Variants in CSMD2 observed in about 807,000 individuals in gnomAD.
CSMD2 encodes CUB and sushi domain-containing protein 2.
CSMD2 carries 130 observed loss-of-function variants against 398.5 expected under a neutral mutation model. The observed-to-expected ratio is 0.33, with a 90% CI of 0.28 to 0.38. The LOEUF (loss-of-function observed/expected upper bound fraction) is 0.38, where lower values mean the gene tolerates loss of function less well. Among genes scored for constraint, CSMD2 ranks in the 10% least tolerant of loss-of-function variants. CSMD2 has a pLI of 1.00. For missense variants in CSMD2, 3,829 were observed against 4,764.9 expected, an observed-to-expected ratio of 0.80 and a Z score of 5.78; for synonymous variants, 1,828 against 1,908.5, an observed-to-expected ratio of 0.96 and a Z score of 1.10.
chr1:33,865,399 C>CA (rs56728239), intron 5 of CSMD2, among the ~76,000 whole-genome samples: 66,072 of 120,676 alleles, frequency 0.55, 16,747 homozygotes, highest in East Asian at 0.68. Context: ...CAGATTTTAC[C>CA]AAAAAAAAAA....
chr1:33,676,713 T>C (rs1375229390), intron 25 of CSMD2, among the ~76,000 whole-genome samples: 3 of 152,084 alleles, frequency 2.0e-5, no homozygotes, highest in Non-Finnish European at 2.9e-5. Flanking sequence ...CAAACTATAC[T>C]ACAAGGCTAC....
At chr1:33,575,919 A>G (rs867794050) in intron 49 of CSMD2, among the ~76,000 whole-genome samples, 19 of 152,220 alleles carry the variant, frequency 1.2e-4, no homozygotes, top group African/African-American at 4.6e-4. Flanking sequence ...TGGGAACCAA[A>G]GGAAAAATCA....
chr1:33,974,953 C>A (rs1645906510), intron 3 of CSMD2, among the ~76,000 whole-genome samples: 1 of 152,222 alleles, frequency 6.6e-6, no homozygotes, highest in Admixed American at 6.5e-5. Context: ...ATGGACGGAA[C>A]AGCCACCCTG....
chr1:34,131,993 T>A (rs972500675), intron 1 of CSMD2, among the ~76,000 whole-genome samples: 2 of 152,110 alleles, frequency 1.3e-5, no homozygotes, highest in Non-Finnish European at 2.9e-5. Flanking sequence ...CAACCTCTCA[T>A]GGGCCACAAA....
rs1359133369 is a variant in CSMD2, at chr1:33,685,741, C to A, written c.4052+7189G>T. 2.0e-5 allele frequency among the ~76,000 whole-genome samples: 3 copies of A among 152,200 alleles called. No individual in the cohort carries two copies. In the East Asian group the frequency reaches 5.8e-4, roughly 29 times the overall value. The stretch of plus-strand genomic sequence containing the variant: ...CTCTACAGTCCCAGGCAGAACTCCT[C>A]TCTCTCTTCTCTGTTACTGAACTCC... On this transcript the variant is annotated intron_variant, in intron 25 of 70. Coordinates refer to ENST00000373381, the MANE Select transcript of CSMD2 (RefSeq NM_001281956.2).
intron 41 of CSMD2, 122 bp downstream of exon 41, chr1:33,610,919 G>A (rs748994332): frequency 3.4e-5 from 31 of 898,620 alleles, no homozygotes; most frequent in Non-Finnish European, 5.3e-5. Flanking sequence ...GACTGGGCCT[G>A]CCACCGCAAC....
chr1:33,644,859 C>A (rs1236712198), intron 29 of CSMD2, among the ~76,000 whole-genome samples: 1 of 151,946 alleles, frequency 6.6e-6, no homozygotes, highest in Admixed American at 6.6e-5. Context: ...ATGGCAGGTG[C>A]CTGGAGGAAG....
At chr1:33,864,102 A>T in intron 5 of CSMD2, 1 of 1,292,124 alleles carries the variant, frequency 7.7e-7, no homozygotes, top group Non-Finnish European at 1.1e-6. Context: ...CGCTGCAAGT[A>T]CAGCACTTTC....
chr1:34,024,860 T>C (rs1467378556), intron 3 of CSMD2, among the ~76,000 whole-genome samples: 1 of 152,222 alleles, frequency 6.6e-6, no homozygotes, highest in East Asian at 1.9e-4. Flanking sequence ...CTGCATCATG[T>C]CCCAGAATTG....
rs1029669575 is a variant in CSMD2 at position 33,820,706 on chromosome 1, C to T, written c.1112-150G>A. 1.3e-5 allele frequency: 8 copies of T among 615,518 alleles called. No individual in the cohort carries two copies. The East Asian group carries it at 1.3e-4, about 10-fold the overall frequency. 38.1% of individuals were successfully genotyped at this position (615,518 alleles called of 1,614,324 possible). A position where few individuals can be genotyped will look rare whatever the true frequency, so the allele number is the denominator to read the frequency against. Reference sequence around the variant, plus strand: ...CTTTGTTGGGGCTGTGTGGGGTGGCCGGAGTCTACTGGCCTGGGGTTTCTT... The same window carrying T: ...CTTTGTTGGGGCTGTGTGGGGTGGCTGGAGTCTACTGGCCTGGGGTTTCTT... On this transcript the variant is annotated intron_variant, in intron 7 of 70. Coordinates refer to ENST00000373381, the MANE Select transcript of CSMD2 (RefSeq NM_001281956.2).
At chr1:33,615,350 CAGAAAGGGG>C in intron 39 of CSMD2, among the ~76,000 whole-genome samples, 1 of 152,288 alleles carries the variant, frequency 6.6e-6, no homozygotes, top group African/African-American at 2.4e-5. Flanking sequence ...GTTGTGTGAA[CAGAAAGGGG>C]CTAGCCAGTC....
intron 22 of CSMD2, among the ~76,000 whole-genome samples, chr1:33,705,441 C>T (rs957894268): frequency 1.7e-4 from 26 of 152,098 alleles, no homozygotes; most frequent in African/African-American, 5.8e-4. Context: ...TAATTTTACT[C>T]GTTGATACCA....
intron 1 of CSMD2, among the ~76,000 whole-genome samples, chr1:34,092,836 C>A (rs1173816615): frequency 6.6e-6 from 1 of 152,176 alleles, no homozygotes; most frequent in East Asian, 1.9e-4. Context: ...GGGGGAGGGG[C>A]GCCCACCATT....
intron 14 of CSMD2, among the ~76,000 whole-genome samples, chr1:33,739,980 C>T (rs879770384): frequency 1.3e-5 from 2 of 152,152 alleles, no homozygotes; most frequent in Non-Finnish European, 2.9e-5. Context: ...GCCTTTTATT[C>T]GTTACATGGT....
intron 10 of CSMD2, among the ~76,000 whole-genome samples, chr1:33,800,220 CA>C (rs1368016947): frequency 6.6e-6 from 1 of 152,208 alleles, no homozygotes; most frequent in Non-Finnish European, 1.5e-5. Context: ...TTCCTGGGCA[CA>C]GCTTGAACCA....
chr1:33,621,357 C>T lies in CSMD2; in HGVS notation c.5827+810G>A, dbSNP rs750992299. ...CCCACAACCATTCTCTCCCTTGAACCATTTCTCTACCATCTAGAGCCATCC... is the reference window on the plus strand; with the variant it reads ...CCCACAACCATTCTCTCCCTTGAACTATTTCTCTACCATCTAGAGCCATCC... On this transcript the variant is annotated intron_variant, in intron 37 of 70. Transcript: ENST00000373381. Among the ~76,000 whole-genome samples, 73 of 152,148 alleles carry T rather than the reference C, an allele frequency of 4.8e-4. 1 individual carries two copies. Among genetic ancestry groups the T allele is most frequent in the Non-Finnish European group, 3.1e-4 (21 of 68,022 alleles).
chr1:33,615,925 G>A (rs1209514505), intron 39 of CSMD2, among the ~76,000 whole-genome samples: 2 of 152,192 alleles, frequency 1.3e-5, no homozygotes, highest in African/African-American at 4.8e-5. Flanking sequence ...AGAACCTTAG[G>A]TTTCCGTTCC....
chr1:33,821,800 A>T lies in CSMD2; in HGVS notation c.1112-1244T>A, dbSNP rs534522331. Among the ~76,000 whole-genome samples, 3 of 152,306 alleles carry T rather than the reference A, an allele frequency of 2.0e-5. No homozygotes were observed. The South Asian group carries it at 6.2e-4, about 32-fold the overall frequency. The stretch of plus-strand genomic sequence containing the variant: ...TGTGGGACCACAGTGGGGAGGGATG[A>T]AGGATGCACCCGCATGTGAGGCTGC... On this transcript the variant is annotated intron_variant, in intron 7 of 70. Coordinates refer to ENST00000373381, the MANE Select transcript of CSMD2 (RefSeq NM_001281956.2).
At chr1:34,004,310 G>A (rs1646992399) in intron 3 of CSMD2, among the ~76,000 whole-genome samples, 1 of 152,188 alleles carries the variant, frequency 6.6e-6, no homozygotes, top group African/African-American at 2.4e-5. Flanking sequence ...TGGAACTTAA[G>A]CCAATAGATT....
Sources: allele counts gnomAD v4.1 joint callset (sites outside exome capture counted in the v4.1 genomes callset), GRCh38; gene constraint gnomAD v4.1.1; transcripts MANE v1.5; gene names NCBI Gene and HGNC (gene_info 2026-07-23, HGNC 2026-07-21).